Variants in ATP8A2 observed in about 807,000 individuals in gnomAD.
The protein encoded by ATP8A2 is phospholipid-transporting ATPase IB.
ATP8A2 carries 100 observed loss-of-function variants against 165.6 expected under a neutral mutation model. The observed-to-expected ratio is 0.60, with a 90% CI of 0.51 to 0.71. ATP8A2 has a LOEUF of 0.71. Among genes scored for constraint, ATP8A2 ranks in the 30% least tolerant of loss-of-function variants. ATP8A2 has a pLI of 0.00. For missense variants in ATP8A2, 1,227 were observed against 1,479.5 expected, an observed-to-expected ratio of 0.83 and a Z score of 2.80; for synonymous variants, 543 against 548.8, an observed-to-expected ratio of 0.99 and a Z score of 0.15.
intron 1 of ATP8A2, among the ~76,000 whole-genome samples, chr13:25,395,143 C>T (rs958382433): frequency 6.6e-6 from 1 of 151,854 alleles, no homozygotes; most frequent in Admixed American, 6.6e-5. Flanking sequence ...TGTCTTTTTT[C>T]AGTTTGATTA....
Position 25,589,661 on chromosome 13 carries a change from A to AT in ATP8A2, c.2173_2174insT (p.Asn725IlefsTer25). 6.2e-7 allele frequency: 1 copy of AT among 1,612,352 alleles called. No homozygotes were observed. Among genetic ancestry groups the AT allele is most frequent in the Non-Finnish European group, 8.5e-7 (1 of 1,178,666 alleles). On this transcript the variant is annotated frameshift_variant, in exon 24 of 37. Coordinates refer to ENST00000381655, the MANE Select transcript of ATP8A2 (RefSeq NM_016529.6). LOFTEE classifies it high-confidence loss of function. ...GTATTCCTGCCGATTGGTATCGCAG[A>AT]ATATGGCCCTTATCCTATTGAAGGA...
intron 21 of ATP8A2, 103 bp from the exon 22 acceptor site, chr13:25,579,705 C>G (rs2039716033): frequency 7.5e-7 from 1 of 1,329,666 alleles, no homozygotes; most frequent in African/African-American, 1.5e-5. Context: ...AGCACAGAGT[C>G]TCTTCAATTT....
At chr13:25,605,916 G>A (rs2040505120) in intron 24 of ATP8A2, among the ~76,000 whole-genome samples, 1 of 152,148 alleles carries the variant, frequency 6.6e-6, no homozygotes, top group African/African-American at 2.4e-5. Flanking sequence ...GCCTTCTTGA[G>A]TGGAGGTAAT....
Position 26,019,959 on chromosome 13 carries a change from ACCAAAAAGAAAT to A in ATP8A2, c.3545_3556del (p.Lys1182_Ser1185del). The A allele has an allele frequency of 2.5e-6, 4 of 1,613,544 alleles. No individual in the cohort carries two copies. Among genetic ancestry groups the A allele is most frequent in the Admixed American group, 1.7e-5 (1 of 60,024 alleles). ...AGAAGTCATCCGTGCTTATGACACC[ACCAAAAAGAAAT>A]CCAGGAAGAAATAAGACATGAATTT... On this transcript the variant is annotated inframe_deletion, in exon 37 of 37. Transcript: ENST00000381655.
chr13:25,524,932 T>G (rs1042855896), intron 2 of ATP8A2, among the ~76,000 whole-genome samples: 19 of 131,808 alleles, frequency 1.4e-4, no homozygotes, highest in African/African-American at 5.0e-4. Context: ...CCTTCCTTCC[T>G]TCCTTCTTTC....
chr13:25,409,007 T>A (rs2033889863), intron 1 of ATP8A2, among the ~76,000 whole-genome samples: 1 of 152,250 alleles, frequency 6.6e-6, no homozygotes, highest in Non-Finnish European at 1.5e-5. Context: ...AATTCATAGG[T>A]CATTTCATGG....
chr13:25,669,628 T>C (rs571600560), intron 24 of ATP8A2, among the ~76,000 whole-genome samples: 80 of 152,322 alleles, frequency 5.3e-4, no homozygotes, highest in African/African-American at 1.9e-3. Context: ...TTTTATTCCC[T>C]CTAGAAACTT....
chr13:25,832,553 T>G (rs1951506896), intron 28 of ATP8A2, among the ~76,000 whole-genome samples: 1 of 152,148 alleles, frequency 6.6e-6, no homozygotes, highest in Admixed American at 6.5e-5. Flanking sequence ...GTCTTGAAAT[T>G]AAATATCTTT....
At chr13:25,936,661 G>A (rs1954899621) in intron 33 of ATP8A2, among the ~76,000 whole-genome samples, 1 of 152,190 alleles carries the variant, frequency 6.6e-6, no homozygotes, top group South Asian at 2.1e-4. Context: ...AATTCCATGA[G>A]GAATCATCGG....
At chr13:25,937,362 C>CTTTTTTTTTTTTTTTTTT (rs1555293658) in intron 33 of ATP8A2, among the ~76,000 whole-genome samples, 5 of 38,802 alleles carry the variant, frequency 1.3e-4, no homozygotes, top group Admixed American at 4.6e-4. Context: ...TTCTTTCTTT[C>CTTTTTTTTTTTTTTTTTT]TTTTTTTTTT....
rs562844480 is a variant in ATP8A2, at chr13:25,443,343, T to C, written c.77-25634T>C. ...GAAGTATTGCCATCTCCTTGAGATA[T>C]GGTGAAGGGTAAACGTGAGCTTTGT... On this transcript the variant is annotated intron_variant, in intron 1 of 36. Coordinates refer to ENST00000381655, the MANE Select transcript of ATP8A2 (RefSeq NM_016529.6). Among the ~76,000 whole-genome samples the C allele has an allele frequency of 9.2e-5, 14 of 152,330 alleles. No homozygotes were observed. The South Asian group carries it at 2.5e-3, about 27-fold the overall frequency.
At chr13:25,945,613 A>G (rs1279410304) in intron 33 of ATP8A2, among the ~76,000 whole-genome samples, 1 of 152,194 alleles carries the variant, frequency 6.6e-6, no homozygotes. Flanking sequence ...GGGGCAGTGA[A>G]AAGAGTAATA....
chr13:25,595,006 A>G (rs958410342), intron 24 of ATP8A2, among the ~76,000 whole-genome samples: 2 of 140,444 alleles, frequency 1.4e-5, no homozygotes, highest in Non-Finnish European at 3.1e-5. Flanking sequence ...ATATATATAT[A>G]TGTATGTATG....
chr13:25,549,611 T>C (rs1434439987), intron 10 of ATP8A2, among the ~76,000 whole-genome samples: 1 of 152,110 alleles, frequency 6.6e-6, no homozygotes, highest in Non-Finnish European at 1.5e-5. Flanking sequence ...ATAATTCCCC[T>C]GTGGCTTTCC....
chr13:25,644,628 G>A (rs531893699), intron 24 of ATP8A2, among the ~76,000 whole-genome samples: 1 of 151,604 alleles, frequency 6.6e-6, no homozygotes, highest in East Asian at 1.9e-4. Flanking sequence ...AAAAATTCAT[G>A]TCAGTTCTTC....
intron 2 of ATP8A2, among the ~76,000 whole-genome samples, chr13:25,474,274 T>C (rs2035930033): frequency 6.6e-6 from 1 of 152,182 alleles, no homozygotes; most frequent in Non-Finnish European, 1.5e-5. Context: ...AATATTACCT[T>C]TACAGGGCCA....
At chr13:25,967,701 T>C (rs1955811808) in intron 34 of ATP8A2, among the ~76,000 whole-genome samples, 1 of 152,212 alleles carries the variant, frequency 6.6e-6, no homozygotes, top group African/African-American at 2.4e-5. Context: ...AACCTATATC[T>C]GGTTAAATGT....
intron 36 of ATP8A2, 53 bp downstream of exon 36, chr13:26,012,675 G>A: frequency 7.9e-7 from 1 of 1,264,126 alleles, no homozygotes; most frequent in Non-Finnish European, 1.0e-6. Context: ...TGCGGGGCGG[G>A]GGTTGATGAG....
intron 1 of ATP8A2, among the ~76,000 whole-genome samples, chr13:25,420,485 A>G (rs569375432): frequency 3.3e-5 from 5 of 152,266 alleles, no homozygotes; most frequent in Non-Finnish European, 5.9e-5. Flanking sequence ...ACATTGAACA[A>G]TAGATAGGCT....
Sources: gnomAD v4.1 joint callset for allele counts (sites outside exome capture counted in the v4.1 genomes callset) on GRCh38, gnomAD v4.1.1 for gene constraint, MANE v1.5 for transcripts, NCBI Gene and HGNC (gene_info 2026-07-23, HGNC 2026-07-21) for gene names.